Variants in SEC24A observed in about 807,000 individuals in gnomAD.
The protein encoded by SEC24A is protein transport protein Sec24A.
Under a neutral mutation model 129.4 loss-of-function variants are expected in SEC24A, and 93 were observed. That is an observed-to-expected ratio of 0.72 (90% CI 0.61 to 0.85). The LOEUF (loss-of-function observed/expected upper bound fraction) is 0.85, where lower values mean the gene tolerates loss of function less well. Ranked by LOEUF, SEC24A falls within the 40% of genes least tolerant of loss-of-function variation. The probability of loss-of-function intolerance (pLI) is 0.00; values close to 1 mark genes in which losing one functional copy is unlikely to be tolerated. For synonymous variants in SEC24A, 460 were observed against 467.3 expected, an observed-to-expected ratio of 0.98 and a Z score of 0.20; for missense variants, 1,264 against 1,307.4, an observed-to-expected ratio of 0.97 and a Z score of 0.51.
At chr5:134,696,726 C>A (rs1344982940) in intron 13 of SEC24A, among the ~76,000 whole-genome samples, 1 of 151,696 alleles carries the variant, frequency 6.6e-6, no homozygotes, top group Non-Finnish European at 1.5e-5. Context: ...TCTCGATCTC[C>A]GGCCCTCGTG....
At chr5:134,724,554 C>A (rs1480842024) in intron 22 of SEC24A, among the ~76,000 whole-genome samples, 1 of 151,300 alleles carries the variant, frequency 6.6e-6, no homozygotes, top group Non-Finnish European at 1.5e-5. Flanking sequence ...TGCCATTGCA[C>A]TCCAGCCTGG....
At chr5:134,670,022 G>A (rs543772565) in intron 3 of SEC24A, among the ~76,000 whole-genome samples, 28 of 152,252 alleles carry the variant, frequency 1.8e-4, no homozygotes, top group Middle Eastern at 3.4e-3. Flanking sequence ...CGCCTCCCAG[G>A]TTCAAGCGAT....
chr5:134,681,079 AC>A (rs1751251573), intron 8 of SEC24A, among the ~76,000 whole-genome samples: 1 of 150,656 alleles, frequency 6.6e-6, no homozygotes, highest in African/African-American at 2.4e-5. Flanking sequence ...AGCCTGGGCG[AC>A]AGAGCGAGAC....
intron 18 of SEC24A, among the ~76,000 whole-genome samples, chr5:134,709,825 A>G (rs537093868): frequency 1.3e-3 from 203 of 151,966 alleles, no homozygotes; most frequent in African/African-American, 4.9e-3. Context: ...TAAAAAGAAG[A>G]GACCATACAT....
chr5:134,676,162 C>T (rs537518524), intron 7 of SEC24A, 37 bp downstream of exon 7: 12 of 1,416,742 alleles, frequency 8.5e-6, no homozygotes, highest in Admixed American at 4.0e-5. Flanking sequence ...TTTTTTGAGA[C>T]GGAGTCTCCC....
At chr5:134,714,462 A>G (rs1177379376) in intron 18 of SEC24A, among the ~76,000 whole-genome samples, 1 of 152,216 alleles carries the variant, frequency 6.6e-6, no homozygotes, top group Non-Finnish European at 1.5e-5. Context: ...TGAACTGCGC[A>G]TGCGAGAGAT....
intron 3 of SEC24A, among the ~76,000 whole-genome samples, chr5:134,670,809 G>A (rs938570658): frequency 6.6e-6 from 1 of 152,078 alleles, no homozygotes; most frequent in East Asian, 2.0e-4. Context: ...CCAACATGGT[G>A]AACCCCTGTC....
At chr5:134,689,485 G>A (rs557060908) in intron 11 of SEC24A, among the ~76,000 whole-genome samples, 6 of 152,302 alleles carry the variant, frequency 3.9e-5, no homozygotes, top group South Asian at 2.1e-4. Context: ...TAATGGGGCC[G>A]AGTGCGGTGG....
At chr5:134,723,245 C>T (rs554643370) in intron 21 of SEC24A, among the ~76,000 whole-genome samples, 6 of 152,048 alleles carry the variant, frequency 3.9e-5, no homozygotes, top group Middle Eastern at 3.4e-3. Context: ...GCAGGTGTAT[C>T]GCCTGAGCCC....
At chr5:134,656,914 G>A (rs1750267815) in intron 1 of SEC24A, among the ~76,000 whole-genome samples, 1 of 151,532 alleles carries the variant, frequency 6.6e-6, no homozygotes, top group Non-Finnish European at 1.5e-5. Flanking sequence ...AGTGGGTGGA[G>A]TGGCTCATGC....
At chr5:134,716,970 C>G (rs1048523195) in intron 19 of SEC24A, among the ~76,000 whole-genome samples, 3 of 150,546 alleles carry the variant, frequency 2.0e-5, no homozygotes, top group African/African-American at 7.3e-5. Context: ...GCCTCCGCCT[C>G]CCAGGTTCAA....
In SEC24A at chr5:134,718,096, A is replaced by G. The variant is rs1752530651; in HGVS notation, c.2893A>G (p.Ile965Val). The change falls in exon 20 of 23, where the codon ATA becomes GTA. Residue 965 changes from isoleucine to valine, a missense_variant. Ile to Val is a conservative substitution (Grantham distance 29). Coordinates refer to ENST00000398844, the MANE Select transcript of SEC24A (RefSeq NM_021982.3). ...AGCACTCAACATCAGTGATAGAACC[A>G]TACCTCAGCCCCCCATTCTTCAGCT... Reference protein sequence around the residue: ...EGALNISDRTIPQPPILQLSV... With the variant: ...EGALNISDRTVPQPPILQLSV... 5 of 1,614,132 alleles carry G rather than the reference A, an allele frequency of 3.1e-6. No homozygotes were observed. The highest frequency in any genetic ancestry group is 2.7e-5 in the African/African-American group (2 of 75,054).
chr5:134,720,684 C>T (rs1470359046), intron 20 of SEC24A, among the ~76,000 whole-genome samples: 1 of 152,126 alleles, frequency 6.6e-6, no homozygotes, highest in Non-Finnish European at 1.5e-5. Context: ...AGGCAGATCT[C>T]TTGAGGTCAG....
chr5:134,657,182 G>A lies in SEC24A; in HGVS notation c.98-3937G>A, dbSNP rs967532444. On this transcript the variant is annotated intron_variant, in intron 1 of 22. Transcript: ENST00000398844. ...GAGCGAGACCTCATTTCTGAAAAAC[G>A]CACACACACACACACACACACACAC... Among the ~76,000 whole-genome samples the A allele has an allele frequency of 5.5e-3, 744 of 136,306 alleles. 6 individuals are homozygous for A. The highest frequency in any genetic ancestry group is 0.018 in the African/African-American group (673 of 37,056). The allele number at this position is 136,306 out of a possible 152,430, so 89.4% of individuals were successfully genotyped here.
intron 1 of SEC24A, among the ~76,000 whole-genome samples, chr5:134,658,607 CTG>C (rs1323900421): frequency 3.9e-5 from 6 of 152,102 alleles, no homozygotes; most frequent in Non-Finnish European, 8.8e-5. Context: ...TGGAGTCTCG[CTG>C]TGTTGCCCAG....
At position 134,725,659 on chromosome 5, in the gene SEC24A, A is replaced by G. The variant is rs1752741646; in HGVS notation, c.*565A>G. 1 of 152,504 alleles carries G rather than the reference A, an allele frequency of 6.6e-6. No individual in the cohort carries two copies. The highest frequency in any genetic ancestry group is 1.5e-5 in the Non-Finnish European group (1 of 67,964). 9.4% of individuals were successfully genotyped at this position (152,504 alleles called of 1,614,324 possible). The stretch of plus-strand genomic sequence containing the variant: ...ACTAAAACTAAACTAATTCTAGTAT[A>G]GCTTGAGAAAAATATGAAGAAACAC... On this transcript the variant is annotated 3_prime_UTR_variant, in exon 23 of 23. Transcript: ENST00000398844.
chr5:134,670,048 T>G (rs1399606302), intron 3 of SEC24A, among the ~76,000 whole-genome samples: 1 of 152,140 alleles, frequency 6.6e-6, no homozygotes, highest in African/African-American at 2.4e-5. Flanking sequence ...TGCCTCAGTC[T>G]CCTGAGTAGC....
At chr5:134,665,457 G>GAA (rs1156650780) in intron 2 of SEC24A, among the ~76,000 whole-genome samples, 8 of 124,814 alleles carry the variant, frequency 6.4e-5, no homozygotes, top group South Asian at 2.5e-4. Context: ...CTTCGTCTCA[G>GAA]AAAAAAAAAA....
intron 1 of SEC24A, among the ~76,000 whole-genome samples, chr5:134,649,646 A>ATC: frequency 6.6e-6 from 1 of 152,166 alleles, no homozygotes; most frequent in East Asian, 1.9e-4. Flanking sequence ...GGGCCTACTC[A>ATC]TCTCTCCCAG....
Sources: allele counts gnomAD v4.1 joint callset (sites outside exome capture counted in the v4.1 genomes callset), GRCh38; gene constraint gnomAD v4.1.1; transcripts MANE v1.5; gene names NCBI Gene and HGNC (gene_info 2026-07-23, HGNC 2026-07-21).